The following KDM3B variants were observed in gnomAD, a reference collection of about 807,000 sequenced individuals.
KDM3B encodes the protein lysine-specific demethylase 3B.
KDM3B carries 10 observed loss-of-function variants against 170.0 expected under a neutral mutation model. That is an observed-to-expected ratio of 0.06 (90% CI 0.04 to 0.10). The LOEUF is 0.10. Among genes scored for constraint, KDM3B ranks in the 10% least tolerant of loss-of-function variants. The probability of loss-of-function intolerance (pLI) is 1.00; values close to 1 mark genes in which losing one functional copy is unlikely to be tolerated. For missense variants in KDM3B, 1,394 were observed against 2,195.2 expected (o/e 0.64, Z 7.29); for synonymous variants, 831 against 834.8 (o/e 1.00, Z 0.08).
intron 15 of KDM3B, among the ~76,000 whole-genome samples, chr5:138,421,207 G>A (rs998020061): frequency 6.6e-6 from 1 of 152,160 alleles, no homozygotes; most frequent in Admixed American, 6.6e-5. Flanking sequence ...TACATTGATT[G>A]CTTGTTTTTC....
intron 11 of KDM3B, among the ~76,000 whole-genome samples, chr5:138,403,912 TGAG>T (rs1561781489): frequency 6.7e-6 from 1 of 149,602 alleles, no homozygotes; most frequent in East Asian, 1.9e-4. Context: ...CATGATGTGA[TGAG>T]GAGAGAAAAA....
In KDM3B at chr5:138,425,482, A is replaced by G; in HGVS notation, c.4311A>G (p.Glu1437=). 6.2e-7 allele frequency: 1 copy of G among 1,614,164 alleles called. No individual in the cohort carries two copies. The highest frequency in any genetic ancestry group is 1.3e-5 in the African/African-American group (1 of 75,044). The change falls in exon 17 of 24, where the codon GAA becomes GAG. Residue 1437 remains glutamate, a synonymous_variant. Transcript: ENST00000314358. ...GGAAGCCAGAAGCCTTTAGCCAGGA[A>G]TTTGGAGACCAGGATGTAGACTTGG... ...ELWKPEAFSQ[E]FGDQDVDLVN... is the part of the protein sequence containing the mutation.
intron 6 of KDM3B, among the ~76,000 whole-genome samples, chr5:138,384,247 A>T (rs1390290672): frequency 6.9e-6 from 1 of 145,844 alleles, no homozygotes; most frequent in East Asian, 2.0e-4. Context: ...CTCCGACTTA[A>T]AAAAAAAAAA....
At chr5:138,418,664 G>T (rs1021365649) in intron 13 of KDM3B, among the ~76,000 whole-genome samples, 1 of 152,114 alleles carries the variant, frequency 6.6e-6, no homozygotes, top group Non-Finnish European at 1.5e-5. Flanking sequence ...ACAGCACTAC[G>T]AGGTCATTTA....
intron 1 of KDM3B, among the ~76,000 whole-genome samples, chr5:138,356,636 C>CTTTTTTT (rs539401228): frequency 5.1e-4 from 44 of 86,020 alleles, no homozygotes; most frequent in Admixed American, 7.2e-4. Context: ...TGTCTCTTGA[C>CTTTTTTT]TTTTTTTTTT....
In KDM3B at chr5:138,420,939, C is replaced by T. The variant is rs1763258763; in HGVS notation, c.3949C>T (p.Pro1317Ser). Residue 1317 changes from proline to serine, a missense_variant, in exon 15 of 24, where the codon CCG becomes TCG. Pro to Ser is a moderately conservative substitution (Grantham distance 74). This residue lies in a region of KDM3B where 137 missense variants were observed against 166.9 expected (regional missense o/e 0.82). Transcript: ENST00000314358. ...TPLDTGIPFP[P>S]VFSTSSAGVK... ...CTTGGACACAGGCATACCCTTTCCC[C>T]CGGTCTTCTCTACATCCTCAGCAGT... The T allele has an allele frequency of 6.2e-7, 1 of 1,614,016 alleles. No homozygotes were observed. The highest frequency in any genetic ancestry group is 8.5e-7 in the Non-Finnish European group (1 of 1,179,912).
Position 138,417,517 on chromosome 5 carries a change from C to T in KDM3B, c.3342C>T (p.Ala1114=), listed in dbSNP as rs750929422. 3 of 1,614,036 alleles carry T rather than the reference C, an allele frequency of 1.9e-6. No individual in the cohort carries two copies. The highest frequency in any genetic ancestry group is 2.7e-5 in the African/African-American group (2 of 74,994). ...ATATTGGAGACATGGTACATGCTGCCCGGGGCAAGTGGGGAATTAAAGCAA... is the reference window on the plus strand; with the variant it reads ...ATATTGGAGACATGGTACATGCTGCTCGGGGCAAGTGGGGAATTAAAGCAA... ...LYNIGDMVHA[A]RGKWGIKANC... Residue 1114 remains alanine (A), a synonymous_variant, in exon 13 of 24, where the codon GCC becomes GCT. Coordinates refer to ENST00000314358, the MANE Select transcript of KDM3B (RefSeq NM_016604.4).
At chr5:138,363,588 T>C (rs1307673364) in intron 1 of KDM3B, among the ~76,000 whole-genome samples, 9 of 152,240 alleles carry the variant, frequency 5.9e-5, no homozygotes. Flanking sequence ...GCTCTGTCTC[T>C]CAGTCTGGAG....
intron 1 of KDM3B, among the ~76,000 whole-genome samples, chr5:138,357,805 T>TC (rs1761491793): frequency 1.3e-5 from 2 of 151,912 alleles, no homozygotes; most frequent in African/African-American, 2.4e-5. Context: ...CTGCAACCTC[T>TC]GCTTCCTAGG....
chr5:138,390,851 G>A (rs1762408887), intron 7 of KDM3B, among the ~76,000 whole-genome samples, 162 bp from the exon 8 acceptor site: 1 of 152,084 alleles, frequency 6.6e-6, no homozygotes, highest in Non-Finnish European at 1.5e-5. Flanking sequence ...CTTCCCCACT[G>A]CTGGTGAACT....
At chr5:138,411,431 A>G (rs1762966287) in intron 11 of KDM3B, among the ~76,000 whole-genome samples, 1 of 152,184 alleles carries the variant, frequency 6.6e-6, no homozygotes, top group Admixed American at 6.5e-5. Flanking sequence ...TGGTATAACT[A>G]TTCTTGTTTT....
At chr5:138,419,718 TACACACACATACAC>T (rs1195180333) in intron 14 of KDM3B, among the ~76,000 whole-genome samples, 9 of 63,688 alleles carry the variant, frequency 1.4e-4, no homozygotes, top group Non-Finnish European at 2.5e-4. Flanking sequence ...CACATATATA[TACACACACATACAC>T]ACACACACAC....
chr5:138,372,276 G>A (rs1300547558), intron 1 of KDM3B, among the ~76,000 whole-genome samples: 1 of 152,130 alleles, frequency 6.6e-6, no homozygotes, highest in Non-Finnish European at 1.5e-5. Flanking sequence ...TCTTCCTATT[G>A]GATTATGAGC....
chr5:138,375,190 G>A lies in KDM3B; in HGVS notation c.458G>A (p.Gly153Glu). ...RELRFLSDAN[G>E]LHLFQMGTDS... ...CTTCGGTTCCTGTCAGATGCCAATG[G>A]GTTGCATCTGTTTCAGGTATTTAAC... Residue 153 changes from glycine to glutamate, a missense_variant, in exon 3 of 24, where the codon GGG becomes GAG. This residue lies in a region of KDM3B where 166 missense variants were observed against 216.4 expected (regional missense o/e 0.77). Coordinates refer to ENST00000314358, the MANE Select transcript of KDM3B (RefSeq NM_016604.4). The A allele has an allele frequency of 6.2e-7, 1 of 1,606,908 alleles. No individual in the cohort carries two copies. Among genetic ancestry groups the A allele is most frequent in the East Asian group, 2.2e-5 (1 of 44,802 alleles).
intron 11 of KDM3B, among the ~76,000 whole-genome samples, chr5:138,409,061 C>G (rs1426192468): frequency 6.6e-6 from 1 of 152,162 alleles, no homozygotes; most frequent in African/African-American, 2.4e-5. Flanking sequence ...AAAAACACAA[C>G]TATGTATAAG....
rs912149239 is a variant in KDM3B, at chr5:138,436,723, A to G, written c.*1023A>G. On this transcript the variant is annotated 3_prime_UTR_variant, in exon 24 of 24. Coordinates refer to ENST00000314358, the MANE Select transcript of KDM3B (RefSeq NM_016604.4). ...ATGGGAAGGACAGTTGATTTCCAAC[A>G]TGAGGTTTTTTGTTTTTTATCCAGA... 5.3e-5 allele frequency: 8 copies of G among 152,178 alleles called. No homozygotes were observed. Among genetic ancestry groups the G allele is most frequent in the Admixed American group, 1.3e-4 (2 of 15,268 alleles). The allele number at this position is 152,178 out of a possible 1,614,324, so 9.4% of individuals were successfully genotyped here.
chr5:138,417,120 C>T (rs1281574845), intron 12 of KDM3B, among the ~76,000 whole-genome samples: 1 of 152,138 alleles, frequency 6.6e-6, no homozygotes, highest in South Asian at 2.1e-4. Flanking sequence ...CACACCTGGC[C>T]AATATTTATA....
intron 1 of KDM3B, among the ~76,000 whole-genome samples, chr5:138,356,087 T>C (rs962223724): frequency 3.3e-5 from 5 of 152,176 alleles, no homozygotes; most frequent in African/African-American, 9.7e-5. Context: ...TTATATTCCA[T>C]AGAATGGATG....
In KDM3B at chr5:138,436,899, TA is replaced by T. The variant is rs1763688739; in HGVS notation, c.*1200del. 2 of 110,290 alleles carry T rather than the reference TA, an allele frequency of 1.8e-5. No individual in the cohort carries two copies. The highest frequency in any genetic ancestry group is 2.0e-5 in the Non-Finnish European group (1 of 50,198). The allele number at this position is 110,290 out of a possible 1,614,324, so 6.8% of individuals were successfully genotyped here. A position where few individuals can be genotyped will look rare whatever the true frequency, so the allele number is the denominator to read the frequency against. ...TGCAGGCTGTTTATATGTTCACAGTTACTTTTTTTTTTTTTTTTAAATAAAA... is the reference window on the plus strand; with the variant it reads ...TGCAGGCTGTTTATATGTTCACAGTTCTTTTTTTTTTTTTTTTAAATAAAA... On this transcript the variant is annotated 3_prime_UTR_variant, in exon 24 of 24. Coordinates refer to ENST00000314358, the MANE Select transcript of KDM3B (RefSeq NM_016604.4).
Sources: allele counts gnomAD v4.1 joint callset (sites outside exome capture counted in the v4.1 genomes callset), GRCh38; gene constraint gnomAD v4.1.1; regional missense constraint gnomAD v4.1.1; transcripts MANE v1.5; gene names NCBI Gene and HGNC (gene_info 2026-07-23, HGNC 2026-07-21).